Variants in TP63 observed in about 807,000 individuals in gnomAD.
The protein encoded by TP63 is tumor protein 63.
TP63 carries 17 observed loss-of-function variants against 82.8 expected under a neutral mutation model. The ratio of observed to expected loss-of-function variants is 0.21; its 90% confidence interval spans 0.14 to 0.31. The LOEUF is 0.31. Among genes scored for constraint, TP63 ranks in the 10% least tolerant of loss-of-function variants. The probability of loss-of-function intolerance (pLI) is 1.00; values close to 1 mark genes in which losing one functional copy is unlikely to be tolerated. For missense variants in TP63, 648 were observed against 895.3 expected, an observed-to-expected ratio of 0.72 and a Z score of 3.52; for synonymous variants, 330 against 321.7, an observed-to-expected ratio of 1.03 and a Z score of -0.28.
intron 1 of TP63, 142 bp from the exon 2 acceptor site, chr3:189,737,598 A>G: frequency 9.3e-7 from 1 of 1,071,196 alleles, no homozygotes; most frequent in Non-Finnish European, 1.3e-6. Context: ...CCAATTGTGC[A>G]ACTTGTAACA....
At chr3:189,791,186 G>A (rs1401051138) in intron 3 of TP63, among the ~76,000 whole-genome samples, 2 of 152,070 alleles carry the variant, frequency 1.3e-5, no homozygotes, top group African/African-American at 4.8e-5. Context: ...AAAATGATCT[G>A]TCCATCATGT....
At chr3:189,813,429 C>T (rs1405215919) in intron 4 of TP63, among the ~76,000 whole-genome samples, 4 of 151,626 alleles carry the variant, frequency 2.6e-5, no homozygotes, top group African/African-American at 2.4e-5. Context: ...CTTGTAGGGG[C>T]GGTGTTTCTT....
chr3:189,797,868 C>T (rs1333709237), intron 3 of TP63, among the ~76,000 whole-genome samples: 1 of 152,036 alleles, frequency 6.6e-6, no homozygotes, highest in African/African-American at 2.4e-5. Flanking sequence ...TATTTATCTC[C>T]AGGTCAAATC....
At chr3:189,793,135 A>G (rs759990999) in intron 3 of TP63, among the ~76,000 whole-genome samples, 7 of 152,022 alleles carry the variant, frequency 4.6e-5, no homozygotes, top group Non-Finnish European at 1.0e-4. Context: ...CTTGTTTTAC[A>G]GTTGGTTGTC....
At chr3:189,777,902 C>T (rs1304937433) in intron 3 of TP63, among the ~76,000 whole-genome samples, 2 of 117,684 alleles carry the variant, frequency 1.7e-5, no homozygotes, top group Non-Finnish European at 3.2e-5. Context: ...GTCACCCAGG[C>T]TGGAGTACAG....
chr3:189,616,099 C>T, the TP63 span, among the ~76,000 whole-genome samples: 1 of 152,108 alleles, frequency 6.6e-6, no homozygotes, highest in Non-Finnish European at 1.5e-5. Flanking sequence ...TGTCATGGAT[C>T]AAGACAAAAA....
chr3:189,831,470 C>CT (rs1444736811), intron 4 of TP63, among the ~76,000 whole-genome samples: 1 of 151,886 alleles, frequency 6.6e-6, no homozygotes, highest in African/African-American at 2.4e-5. Flanking sequence ...ATCATTCGAG[C>CT]TTCACAACCA....
chr3:189,884,283 C>T (rs991181102), intron 10 of TP63, among the ~76,000 whole-genome samples: 10 of 152,308 alleles, frequency 6.6e-5, no homozygotes, highest in East Asian at 1.9e-4. Context: ...CCCACAGGGA[C>T]GGAGTGGATT....
the TP63 span, among the ~76,000 whole-genome samples, chr3:189,600,659 C>A: frequency 6.6e-6 from 1 of 152,094 alleles, no homozygotes; most frequent in South Asian, 2.1e-4. Context: ...CTCTCTGAAG[C>A]CCTTATTCTA....
chr3:189,671,365 T>C (rs1714876675), intron 1 of TP63, among the ~76,000 whole-genome samples: 1 of 152,058 alleles, frequency 6.6e-6, no homozygotes, highest in African/African-American at 2.4e-5. Context: ...GAAATGTTAT[T>C]ATCAAAAAGC....
In TP63 at chr3:189,842,366, A is replaced by G. The variant is rs545163208; in HGVS notation, c.580-21866A>G. ...TACAGTGAAAAGATTACAGGGCTGG[A>G]AATTAGAAGCCACAAGTTCTAATTA... On this transcript the variant is annotated intron_variant, in intron 4 of 13. Transcript: ENST00000264731. 5.3e-5 allele frequency among the ~76,000 whole-genome samples: 8 copies of G among 152,228 alleles called. No individual in the cohort carries two copies. The East Asian group carries it at 5.8e-4, about 11-fold the overall frequency.
intron 6 of TP63, 68 bp downstream of exon 6, chr3:189,866,865 G>A (rs35245550): frequency 2.4e-6 from 3 of 1,257,382 alleles, no homozygotes; most frequent in African/African-American, 2.9e-5. Context: ...GAGAACATCT[G>A]TTTCAGCAAC....
rs147980803 is a variant in TP63 at position 189,680,677 on chromosome 3, G to A, written c.62+49100G>A. ...CATATCACATTAACAGGTCCACAAG[G>A]ACAGGCCTGTATCTTGGTTCTATGG... On this transcript the variant is annotated intron_variant, in intron 1 of 13. Transcript: ENST00000264731. Among the ~76,000 whole-genome samples, 1,493 of 152,264 alleles carry A rather than the reference G, an allele frequency of 9.8e-3. 10 individuals carry two copies. Among genetic ancestry groups the A allele is most frequent in the Non-Finnish European group, 0.016 (1,078 of 68,014 alleles).
chr3:189,882,095 A>G (rs1311906157), intron 10 of TP63, among the ~76,000 whole-genome samples: 1 of 152,108 alleles, frequency 6.6e-6, no homozygotes, highest in Non-Finnish European at 1.5e-5. Context: ...GTATATTAGT[A>G]AAACCAGATG....
chr3:189,886,776 G>T (rs892024968), intron 11 of TP63, among the ~76,000 whole-genome samples: 3 of 152,146 alleles, frequency 2.0e-5, no homozygotes, highest in Non-Finnish European at 4.4e-5. Context: ...TTTCTTTAGT[G>T]TAGGGATAAG....
intron 11 of TP63, 120 bp downstream of exon 11, chr3:189,886,671 C>A: frequency 7.0e-7 from 1 of 1,420,744 alleles, no homozygotes; most frequent in South Asian, 1.3e-5. Flanking sequence ...CAGATCAGAT[C>A]AAAGTGGAGT....
Position 189,842,120 on chromosome 3 carries a change from C to G in TP63, c.580-22112C>G, listed in dbSNP as rs536139260. Among the ~76,000 whole-genome samples, 11 of 152,244 alleles carry G rather than the reference C, an allele frequency of 7.2e-5. No individual in the cohort carries two copies. The South Asian group carries it at 2.3e-3, about 32-fold the overall frequency. On this transcript the variant is annotated intron_variant, in intron 4 of 13. Coordinates refer to ENST00000264731, the MANE Select transcript of TP63 (RefSeq NM_003722.5). ...CCTTAGGGGGAGGATAATGTTTTCT[C>G]TACCTTAAGGGAAAATGATAGCTGA...
intron 3 of TP63, among the ~76,000 whole-genome samples, chr3:189,745,149 A>T (rs1463458775): frequency 6.6e-6 from 1 of 152,236 alleles, no homozygotes; most frequent in East Asian, 1.9e-4. Context: ...TTCAAAAAAA[A>T]TTGTAAGAAA....
intron 13 of TP63, among the ~76,000 whole-genome samples, chr3:189,893,310 G>A (rs78127144): frequency 6.6e-6 from 1 of 152,214 alleles, no homozygotes; most frequent in Non-Finnish European, 1.5e-5. Flanking sequence ...TAGAGAATAA[G>A]TGACTTGCTG....
Sources: allele counts gnomAD v4.1 joint callset (sites outside exome capture counted in the v4.1 genomes callset), GRCh38; gene constraint gnomAD v4.1.1; transcripts MANE v1.5; gene names NCBI Gene and HGNC (gene_info 2026-07-23, HGNC 2026-07-21).